Variants in CCBE1 observed in about 807,000 individuals in gnomAD.
The protein encoded by CCBE1 is collagen and calcium binding EGF domains 1.
A neutral mutation model predicts 50.0 loss-of-function variants in CCBE1; 37 were observed. The observed-to-expected ratio is 0.74, with a 90% confidence interval of 0.57 to 0.97. The LOEUF (loss-of-function observed/expected upper bound fraction) is 0.97, where lower values mean the gene tolerates loss of function less well. Among genes scored for constraint, CCBE1 ranks in the 50% least tolerant of loss-of-function variants. CCBE1 has a pLI of 0.00. For missense variants in CCBE1, 538 were observed against 523.8 expected, an observed-to-expected ratio of 1.03 and a Z score of -0.26; for synonymous variants, 234 against 203.7, an observed-to-expected ratio of 1.15 and a Z score of -1.27.
At chr18:59,667,247 G>GA (rs2054370042) in intron 2 of CCBE1, among the ~76,000 whole-genome samples, 1 of 152,208 alleles carries the variant, frequency 6.6e-6, no homozygotes, top group Non-Finnish European at 1.5e-5. Context: ...CCAGCCTGGT[G>GA]ACACAGGGAG....
chr18:59,597,609 A>G (rs1200330279), intron 2 of CCBE1, among the ~76,000 whole-genome samples: 1 of 152,150 alleles, frequency 6.6e-6, no homozygotes, highest in Admixed American at 6.5e-5. Context: ...TGAAGAAAAA[A>G]CGGGGAAAAG....
At chr18:59,477,615 TATGTC>T (rs1912375592) in intron 3 of CCBE1, among the ~76,000 whole-genome samples, 1 of 152,160 alleles carries the variant, frequency 6.6e-6, no homozygotes, top group South Asian at 2.1e-4. Context: ...CTTCTTATCA[TATGTC>T]ATAAGATGTA....
At chr18:59,554,603 C>T (rs1401640491) in intron 2 of CCBE1, among the ~76,000 whole-genome samples, 1 of 152,164 alleles carries the variant, frequency 6.6e-6, no homozygotes, top group Non-Finnish European at 1.5e-5. Flanking sequence ...GGCCAGAGGA[C>T]TTGAGATAAA....
intron 2 of CCBE1, among the ~76,000 whole-genome samples, chr18:59,554,820 C>A (rs185350884): frequency 5.3e-5 from 8 of 152,124 alleles, no homozygotes; most frequent in African/African-American, 1.4e-4. Flanking sequence ...CCCGTGGAGA[C>A]AAAAGAAGGG....
chr18:59,679,843 T>C (rs1254934644), intron 2 of CCBE1, among the ~76,000 whole-genome samples: 3 of 152,130 alleles, frequency 2.0e-5, no homozygotes, highest in Non-Finnish European at 4.4e-5. Flanking sequence ...AGATGAACAT[T>C]GGTTCAGTCT....
At chr18:59,691,593 A>T (rs1284040197) in intron 2 of CCBE1, among the ~76,000 whole-genome samples, 1 of 152,054 alleles carries the variant, frequency 6.6e-6, no homozygotes, top group Non-Finnish European at 1.5e-5. Context: ...TTTAGTAGAG[A>T]CGGGGTTTCA....
At chr18:59,635,785 C>T (rs2053908337) in intron 2 of CCBE1, among the ~76,000 whole-genome samples, 1 of 151,330 alleles carries the variant, frequency 6.6e-6, no homozygotes, top group African/African-American at 2.4e-5. Context: ...GCAGCAGCTG[C>T]ATAGAAAAAG....
chr18:59,608,700 G>C (rs2053532289), intron 2 of CCBE1, among the ~76,000 whole-genome samples: 2 of 152,226 alleles, frequency 1.3e-5, no homozygotes, highest in Admixed American at 1.3e-4. Flanking sequence ...GTGGATGAGT[G>C]AAAACGTCTC....
At chr18:59,497,008 G>A (rs896294053) in intron 2 of CCBE1, among the ~76,000 whole-genome samples, 4 of 151,858 alleles carry the variant, frequency 2.6e-5, no homozygotes, top group South Asian at 2.1e-4. Flanking sequence ...TTTTTTCTTC[G>A]GCAAAATGGT....
At position 59,431,705 on chromosome 18, in the gene CCBE1, C is replaced by G. The variant is rs1470990779; in HGVS notation, c.*4203G>C. ...TTTGGTGGGGTAATACTCACCTTTC[C>G]TTCCTTCCAAAACCAATGAACATTT... On this transcript the variant is annotated 3_prime_UTR_variant, in exon 11 of 11. Transcript: ENST00000439986. The G allele has an allele frequency of 6.6e-6, 1 of 152,252 alleles. No individual in the cohort carries two copies. Among genetic ancestry groups the G allele is most frequent in the Non-Finnish European group, 1.5e-5 (1 of 68,068 alleles). The allele number at this position is 152,252 out of a possible 1,614,324, so 9.4% of individuals were successfully genotyped here.
intron 5 of CCBE1, among the ~76,000 whole-genome samples, chr18:59,460,507 T>C (rs994184296): frequency 6.6e-6 from 1 of 152,358 alleles, no homozygotes; most frequent in South Asian, 2.1e-4. Context: ...GGACTCTTTT[T>C]GGCCTGTGAC....
chr18:59,603,606 T>C (rs1406064309), intron 2 of CCBE1, among the ~76,000 whole-genome samples: 1 of 152,232 alleles, frequency 6.6e-6, no homozygotes, highest in Non-Finnish European at 1.5e-5. Context: ...TGTTCCTGTG[T>C]TGTTATTAAA....
At chr18:59,643,411 T>C (rs2054015730) in intron 2 of CCBE1, among the ~76,000 whole-genome samples, 1 of 152,168 alleles carries the variant, frequency 6.6e-6, no homozygotes, top group East Asian at 1.9e-4. Flanking sequence ...TCCCAAAGGG[T>C]AGGACACTCG....
At chr18:59,690,444 T>A (rs2054714274) in intron 2 of CCBE1, among the ~76,000 whole-genome samples, 1 of 152,094 alleles carries the variant, frequency 6.6e-6, no homozygotes, top group Non-Finnish European at 1.5e-5. Flanking sequence ...CCCTCTAAAC[T>A]CACAAAAGGA....
chr18:59,455,207 C>G, intron 5 of CCBE1: 1 of 568,772 alleles, frequency 1.8e-6, no homozygotes, highest in Non-Finnish European at 3.2e-6. Context: ...CAGGAAGACC[C>G]TGATCTTCCT....
intron 2 of CCBE1, among the ~76,000 whole-genome samples, chr18:59,668,697 G>A (rs187303303): frequency 6.6e-6 from 1 of 151,862 alleles, no homozygotes; most frequent in Admixed American, 6.6e-5. Context: ...ATTTCCCTAG[G>A]ATAAATTTCT....
chr18:59,642,876 G>A (rs2054008075), intron 2 of CCBE1, among the ~76,000 whole-genome samples: 1 of 149,798 alleles, frequency 6.7e-6, no homozygotes, highest in Non-Finnish European at 1.5e-5. Context: ...TTGAACCTGG[G>A]AGGCGGAGGT....
intron 10 of CCBE1, 63 bp from the exon 11 acceptor site, chr18:59,436,204 T>A (rs1249842234): frequency 7.1e-7 from 1 of 1,416,112 alleles, no homozygotes; most frequent in Non-Finnish European, 1.0e-6. Context: ...CGGGGCTCCA[T>A]GACTTGACCT....
intron 2 of CCBE1, among the ~76,000 whole-genome samples, chr18:59,491,339 A>G (rs1913086657): frequency 6.6e-6 from 1 of 152,088 alleles, no homozygotes; most frequent in South Asian, 2.1e-4. Flanking sequence ...CCTTCCTCAC[A>G]GGGTGGATCC....
Sources: gnomAD v4.1 joint callset for allele counts (sites outside exome capture counted in the v4.1 genomes callset) on GRCh38, gnomAD v4.1.1 for gene constraint, MANE v1.5 for transcripts, NCBI Gene and HGNC (gene_info 2026-07-23, HGNC 2026-07-21) for gene names.